Variants in CATSPERT observed in about 807,000 individuals in gnomAD.
CATSPERT encodes the protein catsper channel auxiliary subunit tau.
At chr2:201,573,357 C>G in the CATSPERT span, among the ~76,000 whole-genome samples, 2 of 152,204 alleles carry the variant, frequency 1.3e-5, no homozygotes, top group Middle Eastern at 6.8e-3. Flanking sequence ...TCAAATAGCA[C>G]CAGATGTTGA....
chr2:201,538,797 T>A, the CATSPERT span, among the ~76,000 whole-genome samples: 2 of 152,150 alleles, frequency 1.3e-5, no homozygotes, highest in African/African-American at 2.4e-5. Flanking sequence ...TAGTTATTTT[T>A]CCTGATCCTC....
chr2:201,617,452 T>C, the CATSPERT span, among the ~76,000 whole-genome samples: 1 of 152,076 alleles, frequency 6.6e-6, no homozygotes, highest in African/African-American at 2.4e-5. Context: ...AAACAAGAAA[T>C]GGGGAAAGGA....
the CATSPERT span, chr2:201,535,234 AG>A: frequency 1.0e-6 from 1 of 985,018 alleles, no homozygotes; most frequent in African/African-American, 1.7e-5. Flanking sequence ...TGAGAAAAAT[AG>A]GTCTAGAGAC....
the CATSPERT span, among the ~76,000 whole-genome samples, chr2:201,591,557 T>A: frequency 1.3e-5 from 2 of 152,118 alleles, no homozygotes; most frequent in Non-Finnish European, 2.9e-5. Flanking sequence ...TGGCATTGAA[T>A]CTGTAAATTA....
At chr2:201,573,779 C>A in the CATSPERT span, among the ~76,000 whole-genome samples, 1 of 152,144 alleles carries the variant, frequency 6.6e-6, no homozygotes, top group Non-Finnish European at 1.5e-5. Flanking sequence ...GCCCCAGCCT[C>A]CCAAGTAGCT....
chr2:201,493,707 C>G, the CATSPERT span: 29 of 1,537,274 alleles, frequency 1.9e-5, no homozygotes, highest in Non-Finnish European at 2.4e-5. Context: ...TCACTTCTAT[C>G]TCCAATTCTG....
chr2:201,523,648 A>G, the CATSPERT span, among the ~76,000 whole-genome samples: 1 of 75,056 alleles, frequency 1.3e-5, no homozygotes, highest in East Asian at 2.2e-3. Context: ...ACCAGACTGA[A>G]ATGCCGAAAT....
the CATSPERT span, among the ~76,000 whole-genome samples, chr2:201,539,796 AAAG>A: frequency 6.6e-6 from 1 of 152,084 alleles, no homozygotes; most frequent in African/African-American, 2.4e-5. Flanking sequence ...TGTTCAAGTG[AAAG>A]AAGATTTGTA....
chr2:201,491,478 T>C, the CATSPERT span: 2 of 1,536,766 alleles, frequency 1.3e-6, no homozygotes, highest in Non-Finnish European at 1.7e-6. Flanking sequence ...AAAGAGTTTG[T>C]ATTTCTTTTT....
the CATSPERT span, among the ~76,000 whole-genome samples, chr2:201,564,273 CCCAGCTGGCTGCCAGATACAA>C: frequency 6.6e-6 from 1 of 152,114 alleles, no homozygotes; most frequent in Non-Finnish European, 1.5e-5. Flanking sequence ...GTGCTCCTAG[CCCAGCTGGCTGCCAGATACAA>C]ATGTATACTT....
the CATSPERT span, among the ~76,000 whole-genome samples, chr2:201,545,932 G>T: frequency 6.6e-6 from 1 of 152,108 alleles, no homozygotes. Context: ...ACATAATATT[G>T]TAACTTCAGG....
the CATSPERT span, among the ~76,000 whole-genome samples, chr2:201,536,989 T>A: frequency 4.6e-5 from 7 of 151,980 alleles, no homozygotes. Context: ...ATGGAATGAA[T>A]ACCTTATGTA....
the CATSPERT span, among the ~76,000 whole-genome samples, chr2:201,546,821 C>A: frequency 1.2e-3 from 177 of 152,196 alleles, 1 homozygote; most frequent in Non-Finnish European, 2.0e-3. Flanking sequence ...TAAACTTGCA[C>A]ATAAATGTTC....
chr2:201,534,448 T>C, the CATSPERT span: 3,773 of 984,104 alleles, frequency 3.8e-3, 9 homozygotes, highest in Middle Eastern at 6.8e-3. Context: ...AATACATACA[T>C]TAAAAGGTAA....
the CATSPERT span, among the ~76,000 whole-genome samples, chr2:201,578,714 A>G: frequency 6.6e-6 from 1 of 152,184 alleles, no homozygotes; most frequent in African/African-American, 2.4e-5. Context: ...TTAGCATATT[A>G]TTCATGATCT....
the CATSPERT span, among the ~76,000 whole-genome samples, chr2:201,596,888 C>T: frequency 2.6e-5 from 4 of 152,200 alleles, no homozygotes; most frequent in South Asian, 2.1e-4. Context: ...ACTGTTTCCA[C>T]GTTGATACGT....
chr2:201,556,232 G>A, the CATSPERT span, among the ~76,000 whole-genome samples: 12 of 152,140 alleles, frequency 7.9e-5, no homozygotes, highest in Non-Finnish European at 1.6e-4. Flanking sequence ...ACTTCAGGCC[G>A]GGTGCAGTGG....
At chr2:201,613,141 C>G in the CATSPERT span, among the ~76,000 whole-genome samples, 2,373 of 152,314 alleles carry the variant, frequency 0.016, 58 homozygotes, top group African/African-American at 0.049. Flanking sequence ...CATAGCTGAA[C>G]AAAAGGCAGC....
At chr2:201,496,003 T>C in the CATSPERT span, 2 of 1,327,702 alleles carry the variant, frequency 1.5e-6, no homozygotes, top group South Asian at 1.3e-5. Flanking sequence ...TTTAGATTAC[T>C]TGTAATATAA....
Sources: allele counts gnomAD v4.1 joint callset (sites outside exome capture counted in the v4.1 genomes callset), GRCh38; gene constraint gnomAD v4.1.1; transcripts MANE v1.5; gene names NCBI Gene and HGNC (gene_info 2026-07-23, HGNC 2026-07-21).